JAZF1: variants seen among roughly 807,000 people sequenced by gnomAD.
The protein encoded by JAZF1 is JAZF zinc finger 1, also known as juxtaposed with another zinc finger protein 1.
JAZF1 carries 8 observed loss-of-function variants against 26.4 expected under a neutral mutation model. That is an observed-to-expected ratio of 0.30 (90% CI 0.18 to 0.55). JAZF1 has a LOEUF of 0.55. Ranked by LOEUF, JAZF1 falls within the 20% of genes least tolerant of loss-of-function variation. JAZF1 has a pLI of 0.94. For missense variants in JAZF1, 199 were observed against 322.0 expected (o/e 0.62, Z 2.92); for synonymous variants, 126 against 122.3 (o/e 1.03, Z -0.20).
rs1415711022 is a variant in JAZF1, at chr7:27,983,788, C to T, written c.188+8121G>A. The stretch of plus-strand genomic sequence containing the variant: ...TCTGCAAGCCAGAAGAGAGTGGGGG[C>T]CAATATTTAACATTCTTAAAGAAAA... On this transcript the variant is annotated intron_variant, in intron 2 of 4. Coordinates refer to ENST00000283928, the MANE Select transcript of JAZF1 (RefSeq NM_175061.4). Among the ~76,000 whole-genome samples the T allele has an allele frequency of 6.6e-5, 10 of 152,252 alleles. No individual in the cohort carries two copies. In the East Asian group the frequency reaches 1.9e-3, roughly 29 times the overall value.
chr7:28,027,053 G>A (rs558149325), intron 1 of JAZF1, among the ~76,000 whole-genome samples: 7 of 152,296 alleles, frequency 4.6e-5, no homozygotes, highest in African/African-American at 1.4e-4. Context: ...CAAGCTCTGC[G>A]CTCACCACAG....
chr7:28,073,655 T>C (rs942677250), intron 1 of JAZF1, among the ~76,000 whole-genome samples: 1 of 152,170 alleles, frequency 6.6e-6, no homozygotes, highest in Admixed American at 6.5e-5. Flanking sequence ...GGGAACGTGC[T>C]TATTTACGTC....
rs545935772 is a variant in JAZF1, at chr7:28,083,965, C to A, written c.116-91984G>T. Among the ~76,000 whole-genome samples the A allele has an allele frequency of 3.9e-5, 6 of 152,070 alleles. 1 individual carries two copies. In the South Asian group the frequency reaches 1.2e-3, roughly 32 times the overall value. On this transcript the variant is annotated intron_variant, in intron 1 of 4. Transcript: ENST00000283928. Reference sequence around the variant, plus strand: ...TTACATTTTATGACAACAAGTCTAACAATATAAAGCAAATAGTGAAATAGC... The same window carrying A: ...TTACATTTTATGACAACAAGTCTAAAAATATAAAGCAAATAGTGAAATAGC...
At chr7:27,916,568 G>GAGTCT (rs1430167205) in intron 2 of JAZF1, among the ~76,000 whole-genome samples, 2 of 152,166 alleles carry the variant, frequency 1.3e-5, no homozygotes, top group Non-Finnish European at 2.9e-5. Flanking sequence ...TCATGCTGGT[G>GAGTCT]TAAACTTACC....
chr7:27,879,616 G>A (rs973693719), intron 3 of JAZF1, among the ~76,000 whole-genome samples: 6 of 152,068 alleles, frequency 3.9e-5, no homozygotes, highest in Non-Finnish European at 8.8e-5. Flanking sequence ...ATATTAGAAA[G>A]TAACCATTTA....
intron 2 of JAZF1, among the ~76,000 whole-genome samples, chr7:27,935,342 C>A (rs1784749913): frequency 6.6e-6 from 1 of 152,162 alleles, no homozygotes; most frequent in African/African-American, 2.4e-5. Context: ...CAAAATATGC[C>A]ATATTCATAC....
chr7:28,093,984 G>A (rs1583556774), intron 1 of JAZF1, among the ~76,000 whole-genome samples: 1 of 152,192 alleles, frequency 6.6e-6, no homozygotes, highest in Non-Finnish European at 1.5e-5. Context: ...ATATTCATTC[G>A]CAAAGCTTGG....
intron 2 of JAZF1, among the ~76,000 whole-genome samples, chr7:27,953,072 T>C (rs1473457478): frequency 6.6e-6 from 1 of 152,222 alleles, no homozygotes; most frequent in Non-Finnish European, 1.5e-5. Flanking sequence ...TACTTTATTT[T>C]AAAAGCATGG....
intron 1 of JAZF1, among the ~76,000 whole-genome samples, chr7:28,052,068 A>T (rs777709832): frequency 6.6e-6 from 1 of 152,206 alleles, no homozygotes; most frequent in Non-Finnish European, 1.5e-5. Flanking sequence ...TCCTATACTC[A>T]AGATCATTAA....
chr7:28,049,930 T>C (rs1204835552), intron 1 of JAZF1, among the ~76,000 whole-genome samples: 1 of 152,118 alleles, frequency 6.6e-6, no homozygotes, highest in African/African-American at 2.4e-5. Context: ...GGAGGCTTCA[T>C]CACATCGGCA....
chr7:28,067,855 A>G (rs1783909375), intron 1 of JAZF1, among the ~76,000 whole-genome samples: 1 of 152,166 alleles, frequency 6.6e-6, no homozygotes, highest in South Asian at 2.1e-4. Context: ...CCTAGACTTC[A>G]GCCTCAGTCT....
intron 1 of JAZF1, among the ~76,000 whole-genome samples, chr7:28,080,133 C>T (rs960956338): frequency 2.0e-5 from 3 of 152,246 alleles, no homozygotes; most frequent in South Asian, 2.1e-4. Context: ...GCTTCTCCAT[C>T]AGCACTTGCT....
At chr7:28,050,164 A>G (rs1480707306) in intron 1 of JAZF1, among the ~76,000 whole-genome samples, 1 of 152,184 alleles carries the variant, frequency 6.6e-6, no homozygotes, top group Admixed American at 6.5e-5. Context: ...AAGACCAAAT[A>G]TTAGAATTAA....
intron 1 of JAZF1, among the ~76,000 whole-genome samples, chr7:28,049,290 C>A (rs567639664): frequency 6.6e-6 from 1 of 151,750 alleles, no homozygotes; most frequent in East Asian, 1.9e-4. Context: ...CACCATACTG[C>A]CCAGGCTGGT....
intron 1 of JAZF1, among the ~76,000 whole-genome samples, chr7:28,004,202 G>C (rs988736299): frequency 6.6e-6 from 1 of 152,088 alleles, no homozygotes; most frequent in Non-Finnish European, 1.5e-5. Context: ...TAACCAGAAA[G>C]GGGGGGTACC....
At chr7:28,138,883 C>G (rs930666358) in intron 1 of JAZF1, among the ~76,000 whole-genome samples, 2 of 152,206 alleles carry the variant, frequency 1.3e-5, no homozygotes. Context: ...CAGACTACCT[C>G]CCAGAGCGGC....
In JAZF1 at chr7:27,983,351, G is replaced by A. The variant is rs533454746; in HGVS notation, c.188+8558C>T. ...ATCAACTGGAAGAAAGGGTATCAGT[G>A]ATTGAAGATCAAATGAATGAAATGA... is the stretch of plus-strand genomic sequence containing the variant. On this transcript the variant is annotated intron_variant, in intron 2 of 4. Coordinates refer to ENST00000283928, the MANE Select transcript of JAZF1 (RefSeq NM_175061.4). 1.0e-3 allele frequency among the ~76,000 whole-genome samples: 153 copies of A among 152,298 alleles called. 1 individual carries two copies. Among genetic ancestry groups the A allele is most frequent in the African/African-American group, 3.3e-3 (139 of 41,574 alleles).
chr7:27,972,571 C>T (rs1785392928), intron 2 of JAZF1, among the ~76,000 whole-genome samples: 1 of 152,018 alleles, frequency 6.6e-6, no homozygotes, highest in Admixed American at 6.6e-5. Flanking sequence ...TGACTTAGCT[C>T]CTGCTAAGAT....
At position 27,890,355 on chromosome 7, in the gene JAZF1, A is replaced by C. The variant is rs957224853; in HGVS notation, c.385+4865T>G. Reference sequence around the variant, plus strand: ...GAAACCCTGGCTGAATGAAACTGTTAAGTCCTTCTGTTATGACATGCTGTT... The same window carrying C: ...GAAACCCTGGCTGAATGAAACTGTTCAGTCCTTCTGTTATGACATGCTGTT... On this transcript the variant is annotated intron_variant, in intron 3 of 4. Coordinates refer to ENST00000283928, the MANE Select transcript of JAZF1 (RefSeq NM_175061.4). Among the ~76,000 whole-genome samples the C allele has an allele frequency of 4.6e-5, 7 of 152,326 alleles. No homozygotes were observed. The East Asian group carries it at 9.6e-4, about 21-fold the overall frequency.
Sources: allele counts gnomAD v4.1 joint callset (sites outside exome capture counted in the v4.1 genomes callset), GRCh38; gene constraint gnomAD v4.1.1; transcripts MANE v1.5; gene names NCBI Gene and HGNC (gene_info 2026-07-23, HGNC 2026-07-21).